Variants in SNAP91 observed in about 807,000 individuals in gnomAD.
SNAP91 encodes the protein clathrin coat assembly protein AP180.
In SNAP91, 27 loss-of-function variants were observed where a neutral mutation model predicts 100.3. The ratio of observed to expected loss-of-function variants is 0.27; its 90% CI spans 0.20 to 0.37. The LOEUF is 0.37. SNAP91 is among the 10% of genes least tolerant of loss of function. SNAP91 has a pLI of 1.00. For missense variants in SNAP91, 986 were observed against 1,123.7 expected (o/e 0.88, Z 1.75); for synonymous variants, 404 against 398.6 (o/e 1.01, Z -0.16).
At chr6:83,674,940 G>A (rs1586892100) in intron 2 of SNAP91, among the ~76,000 whole-genome samples, 2 of 152,192 alleles carry the variant, frequency 1.3e-5, no homozygotes, top group Non-Finnish European at 2.9e-5. Context: ...GCTAAGGAGA[G>A]GTATTGGGTG....
chr6:83,621,431 A>C (rs1429409347), intron 9 of SNAP91, among the ~76,000 whole-genome samples: 3 of 152,184 alleles, frequency 2.0e-5, no homozygotes, highest in Non-Finnish European at 4.4e-5. Flanking sequence ...ATGAATTTCT[A>C]CCATAGAATA....
intron 7 of SNAP91, among the ~76,000 whole-genome samples, chr6:83,649,183 A>T (rs1216945096): frequency 6.6e-6 from 1 of 152,236 alleles, no homozygotes; most frequent in African/African-American, 2.4e-5. Context: ...CACACAGCTT[A>T]TAAGTCATGA....
At chr6:83,664,211 A>C (rs576486585) in intron 3 of SNAP91, among the ~76,000 whole-genome samples, 1 of 152,278 alleles carries the variant, frequency 6.6e-6, no homozygotes, top group Non-Finnish European at 1.5e-5. Flanking sequence ...GACTGCTAAC[A>C]CAACATTCAT....
chr6:83,707,725 G>A (rs2099399630), intron 2 of SNAP91, 73 bp downstream of exon 2: 5 of 1,581,898 alleles, frequency 3.2e-6, no homozygotes, highest in Non-Finnish European at 4.3e-6. Context: ...TGGACCAAGA[G>A]CGCAGGCCGC....
intron 24 of SNAP91, among the ~76,000 whole-genome samples, chr6:83,579,764 T>A (rs1224591593): frequency 3.3e-5 from 5 of 152,172 alleles, no homozygotes; most frequent in African/African-American, 1.2e-4. Flanking sequence ...TGTCCTTCTT[T>A]AGATCATCAC....
chr6:83,687,154 A>C (rs2099071241), intron 2 of SNAP91, among the ~76,000 whole-genome samples: 1 of 152,162 alleles, frequency 6.6e-6, no homozygotes, highest in Non-Finnish European at 1.5e-5. Context: ...GGGTTTGATG[A>C]GTTCTTGTAA....
chr6:83,619,603 C>T (rs905090053), intron 9 of SNAP91, among the ~76,000 whole-genome samples: 2 of 152,186 alleles, frequency 1.3e-5, no homozygotes, highest in African/African-American at 4.8e-5. Flanking sequence ...AAGCTGATAA[C>T]AGCAACATAT....
intron 2 of SNAP91, among the ~76,000 whole-genome samples, chr6:83,698,897 T>G (rs1490135818): frequency 6.6e-6 from 1 of 152,240 alleles, no homozygotes; most frequent in Non-Finnish European, 1.5e-5. Flanking sequence ...TGACTCATCA[T>G]GATAGGCAGT....
chr6:83,630,441 A>G (rs893375965), intron 8 of SNAP91, among the ~76,000 whole-genome samples: 1 of 152,024 alleles, frequency 6.6e-6, no homozygotes, highest in African/African-American at 2.4e-5. Flanking sequence ...TCTTCTTTCA[A>G]TGTCTGGTAG....
chr6:83,664,447 G>C (rs2098635741), intron 3 of SNAP91, among the ~76,000 whole-genome samples: 1 of 152,108 alleles, frequency 6.6e-6, no homozygotes, highest in African/African-American at 2.4e-5. Flanking sequence ...TCTGGAAGAA[G>C]AGCATTTCAG....
intron 8 of SNAP91, among the ~76,000 whole-genome samples, chr6:83,635,260 G>T (rs1356897835): frequency 6.6e-6 from 1 of 152,054 alleles, no homozygotes; most frequent in Non-Finnish European, 1.5e-5. Context: ...CATTATTGTT[G>T]TGTGGCTGTC....
chr6:83,616,055 T>A (rs2096467176), intron 10 of SNAP91, among the ~76,000 whole-genome samples: 1 of 152,144 alleles, frequency 6.6e-6, no homozygotes, highest in Non-Finnish European at 1.5e-5. Context: ...ATGGACATAA[T>A]GAAGTATAAA....
intron 4 of SNAP91, among the ~76,000 whole-genome samples, chr6:83,662,114 C>A (rs2098554165): frequency 1.3e-5 from 2 of 152,034 alleles, no homozygotes; most frequent in Non-Finnish European, 2.9e-5. Flanking sequence ...GGGTCTAGCA[C>A]ACCCACTGTT....
chr6:83,619,343 G>T (rs143112227), intron 9 of SNAP91, among the ~76,000 whole-genome samples: 1 of 152,256 alleles, frequency 6.6e-6, no homozygotes, highest in East Asian at 1.9e-4. Context: ...AGGCGTGCAG[G>T]AATGTCTACC....
chr6:83,625,922 C>T (rs977009699), intron 8 of SNAP91, among the ~76,000 whole-genome samples: 10 of 152,010 alleles, frequency 6.6e-5, no homozygotes, highest in African/African-American at 2.2e-4. Context: ...CTTTTGAGGA[C>T]TTGGTCATAA....
chr6:83,584,021 A>C (rs1370816871), intron 22 of SNAP91, among the ~76,000 whole-genome samples: 2 of 152,238 alleles, frequency 1.3e-5, no homozygotes, highest in Admixed American at 1.3e-4. Flanking sequence ...TTACTGAAGA[A>C]GACGTTCTCT....
chr6:83,611,008 TAAA>T (rs2096017790), intron 11 of SNAP91, among the ~76,000 whole-genome samples: 1 of 151,880 alleles, frequency 6.6e-6, no homozygotes, highest in Admixed American at 6.6e-5. Flanking sequence ...CCTATGTCCA[TAAA>T]AAACAAACTG....
intron 8 of SNAP91, among the ~76,000 whole-genome samples, chr6:83,640,647 T>A (rs2097658589): frequency 6.6e-6 from 1 of 152,204 alleles, no homozygotes; most frequent in Non-Finnish European, 1.5e-5. Context: ...CTGTCTTATT[T>A]TTCATTGTGT....
At chr6:83,604,022 C>A (rs187810616) in intron 14 of SNAP91, among the ~76,000 whole-genome samples, 1 of 152,200 alleles carries the variant, frequency 6.6e-6, no homozygotes, top group Non-Finnish European at 1.5e-5. Context: ...TGCAATTCAA[C>A]AAAATTTCAC....
Sources: gnomAD v4.1 joint callset for allele counts (sites outside exome capture counted in the v4.1 genomes callset) on GRCh38, gnomAD v4.1.1 for gene constraint, MANE v1.5 for transcripts, NCBI Gene and HGNC (gene_info 2026-07-23, HGNC 2026-07-21) for gene names.